The following ZNF57 variants were observed in gnomAD, a reference collection of about 807,000 sequenced individuals.
ZNF57 encodes zinc finger protein 424.
ZNF57 carries 11 observed loss-of-function variants against 13.4 expected under a neutral mutation model. The observed-to-expected ratio is 0.82, with a 90% CI of 0.52 to 1.36. The LOEUF is 1.36. ZNF57 is among the 40% of genes most tolerant of loss of function. The pLI, the probability that ZNF57 is intolerant of heterozygous loss-of-function variation, is 0.00. For missense variants in ZNF57, 696 were observed against 667.5 expected (o/e 1.04, Z -0.47); for synonymous variants, 224 against 238.5 (o/e 0.94, Z 0.56).
chr19:2,908,657 C>T (rs1339955630), intron 1 of ZNF57, among the ~76,000 whole-genome samples: 1 of 151,930 alleles, frequency 6.6e-6, no homozygotes, highest in Non-Finnish European at 1.5e-5. Context: ...CCCTCCTCGG[C>T]CTCCCAAAGT....
rs1452784003 is a variant in ZNF57 at position 2,901,033 on chromosome 19, G to C, written c.-13G>C. 10 of 1,560,224 alleles carry C rather than the reference G, an allele frequency of 6.4e-6. No homozygotes were observed. The highest frequency in any genetic ancestry group is 8.7e-6 in the Non-Finnish European group (10 of 1,151,408). ...GGAGAGCTCGCCTTGGAGAGCCCAGGAGCAGGGGAGACATGGTGAGTGCGA... is the reference window on the plus strand; with the variant it reads ...GGAGAGCTCGCCTTGGAGAGCCCAGCAGCAGGGGAGACATGGTGAGTGCGA... On this transcript the variant is annotated 5_prime_UTR_variant, in exon 1 of 4. Coordinates refer to ENST00000306908, the MANE Select transcript of ZNF57 (RefSeq NM_173480.3).
At chr19:2,908,741 A>G (rs971314207) in intron 1 of ZNF57, among the ~76,000 whole-genome samples, 2 of 152,012 alleles carry the variant, frequency 1.3e-5, no homozygotes, top group East Asian at 1.9e-4. Context: ...AACCAAGACC[A>G]CAGTCAACTT....
At chr19:2,911,253 G>C (rs147112185) in intron 1 of ZNF57, among the ~76,000 whole-genome samples, 1 of 152,004 alleles carries the variant, frequency 6.6e-6, no homozygotes, top group Non-Finnish European at 1.5e-5. Flanking sequence ...TTTTGTGGCC[G>C]GGCACGGTGG....
chr19:2,906,986 T>G (rs2088081663), intron 1 of ZNF57: 1 of 151,718 alleles, frequency 6.6e-6, no homozygotes, highest in Non-Finnish European at 1.5e-5. Context: ...TGGTCTGAGA[T>G]TCCCTGAGGC....
intron 1 of ZNF57, among the ~76,000 whole-genome samples, chr19:2,906,022 T>C (rs76668888): frequency 2.2e-3 from 329 of 152,224 alleles, no homozygotes; most frequent in African/African-American, 7.7e-3. Flanking sequence ...TTTGATGTCA[T>C]TCGGTAGTGT....
chr19:2,905,101 AAC>A (rs2088061108), intron 1 of ZNF57, among the ~76,000 whole-genome samples: 1 of 152,110 alleles, frequency 6.6e-6, no homozygotes, highest in South Asian at 2.1e-4. Context: ...ATGCACCATA[AAC>A]ACAGCTTCCC....
At chr19:2,909,352 C>A in intron 1 of ZNF57, among the ~76,000 whole-genome samples, 1 of 69,646 alleles carries the variant, frequency 1.4e-5, no homozygotes, top group African/African-American at 4.4e-5. Context: ...GCGATCTCGG[C>A]TCACTGCAAG....
At chr19:2,903,118 A>G (rs185409462) in intron 1 of ZNF57, among the ~76,000 whole-genome samples, 1 of 152,232 alleles carries the variant, frequency 6.6e-6, no homozygotes, top group African/African-American at 2.4e-5. Context: ...GGGAAAGACG[A>G]TTGTCCTGGA....
chr19:2,914,056 T>C lies in ZNF57; in HGVS notation c.4-1466T>C, dbSNP rs184955883. ...GAGAAGAATGTGTGTTTTGCTGTTG[T>C]TGGGTTCAGTGTTCTGCAGATGTCT... On this transcript the variant is annotated intron_variant, in intron 1 of 3. Transcript: ENST00000306908. 2.7e-3 allele frequency among the ~76,000 whole-genome samples: 410 copies of C among 152,310 alleles called. 1 individual carries two copies. Among genetic ancestry groups the C allele is most frequent in the Non-Finnish European group, 3.6e-3 (246 of 68,028 alleles).
chr19:2,905,377 C>G (rs1318125506), intron 1 of ZNF57, among the ~76,000 whole-genome samples: 1 of 119,860 alleles, frequency 8.3e-6, no homozygotes, highest in Non-Finnish European at 1.7e-5. Context: ...GTTGGCCAGG[C>G]TGGTCTCGAA....
intron 1 of ZNF57, among the ~76,000 whole-genome samples, chr19:2,913,677 G>T (rs1425208558): frequency 3.6e-5 from 5 of 137,376 alleles, no homozygotes; most frequent in African/African-American, 1.3e-4. Flanking sequence ...TTTTTTTGGT[G>T]GGGGGAGACT....
intron 1 of ZNF57, among the ~76,000 whole-genome samples, chr19:2,910,849 C>T (rs1305464737): frequency 6.8e-6 from 1 of 146,356 alleles, no homozygotes; most frequent in African/African-American, 2.5e-5. Context: ...CCGCCTCGGC[C>T]TCCGGAAGTG....
At chr19:2,902,245 C>T (rs969616585) in intron 1 of ZNF57, among the ~76,000 whole-genome samples, 1 of 149,448 alleles carries the variant, frequency 6.7e-6, no homozygotes, top group African/African-American at 2.5e-5. Flanking sequence ...GTTAGCTGCC[C>T]TGGGGGTTTT....
intron 3 of ZNF57, 84 bp downstream of exon 3, chr19:2,916,333 A>C: frequency 7.8e-7 from 1 of 1,282,988 alleles, no homozygotes; most frequent in Non-Finnish European, 1.0e-6. Flanking sequence ...CATTGCTCCA[A>C]ATTTGTTTAT....
At chr19:2,907,768 C>T in intron 1 of ZNF57, among the ~76,000 whole-genome samples, 1 of 152,186 alleles carries the variant, frequency 6.6e-6, no homozygotes, top group East Asian at 1.9e-4. Flanking sequence ...GACTGGAGTA[C>T]AGTGGTGTGA....
At chr19:2,907,858 C>G (rs1055317222) in intron 1 of ZNF57, among the ~76,000 whole-genome samples, 1 of 152,154 alleles carries the variant, frequency 6.6e-6, no homozygotes, top group Non-Finnish European at 1.5e-5. Context: ...CAGGCACATG[C>G]CATCATGCCT....
chr19:2,911,566 T>C (rs62125394), intron 1 of ZNF57, among the ~76,000 whole-genome samples: 1 of 151,842 alleles, frequency 6.6e-6, no homozygotes, highest in Non-Finnish European at 1.5e-5. Flanking sequence ...AAAAAAACTT[T>C]GTAAAGACAG....
At chr19:2,906,941 C>A (rs988553121) in intron 1 of ZNF57, among the ~76,000 whole-genome samples, 1 of 152,046 alleles carries the variant, frequency 6.6e-6, no homozygotes, top group Non-Finnish European at 1.5e-5. Flanking sequence ...GTGTCTTGCA[C>A]CAGATCCCCA....
chr19:2,901,178 G>C, intron 1 of ZNF57, 130 bp downstream of exon 1: 5 of 1,265,818 alleles, frequency 4.0e-6, no homozygotes, highest in Non-Finnish European at 5.3e-6. Context: ...CTAGCACCTG[G>C]GACCCGGGGA....
Sources: allele counts gnomAD v4.1 joint callset (sites outside exome capture counted in the v4.1 genomes callset), GRCh38; gene constraint gnomAD v4.1.1; transcripts MANE v1.5; gene names NCBI Gene and HGNC (gene_info 2026-07-23, HGNC 2026-07-21).